MYO15B: variants seen among roughly 807,000 people sequenced by gnomAD.
The protein encoded by MYO15B is myosin XVB pseudogene.
Under a neutral mutation model 119.3 loss-of-function variants are expected in MYO15B, and 207 were observed. That is an observed-to-expected ratio of 1.73 (90% CI 1.55 to 1.95). MYO15B has a LOEUF of 1.95. Among genes scored for constraint, MYO15B ranks in the 30% most tolerant of loss-of-function variants. The pLI, the probability that MYO15B is intolerant of heterozygous loss-of-function variation, is 0.00. For missense variants in MYO15B, 2,264 were observed against 1,203.1 expected (o/e 1.88, Z -13.04); for synonymous variants, 966 against 498.9 (o/e 1.94, Z -12.48).
intron 21 of MYO15B, among the ~76,000 whole-genome samples, chr17:75,608,857 T>A (rs2057820937): frequency 6.6e-6 from 1 of 152,088 alleles, no homozygotes; most frequent in African/African-American, 2.4e-5. Flanking sequence ...CCTCAGCCTA[T>A]GAAGTAGCTG....
chr17:75,613,252 G>A, intron 27 of MYO15B, 41 bp from the exon 28 acceptor site: 2 of 672,708 alleles, frequency 3.0e-6, no homozygotes, highest in Non-Finnish European at 5.5e-6. Flanking sequence ...TGGGGTCGCT[G>A]GATCACCCTG....
exon 36 of MYO15B, chr17:75,615,774 G>A (rs1366803973): frequency 8.5e-6 from 6 of 702,246 alleles, no homozygotes; most frequent in East Asian, 5.4e-5. Context: ...TCGGGCCTCC[G>A]AGGCTGCGTC....
At chr17:75,621,552 G>A in exon 52 of MYO15B, 2 of 701,752 alleles carry the variant, frequency 2.9e-6, no homozygotes, top group Non-Finnish European at 5.2e-6. Context: ...GAGCAAGCTG[G>A]CTGTAGCCAG....
At chr17:75,588,180 C>T in exon 1 of MYO15B, 1 of 398,008 alleles carries the variant, frequency 2.5e-6, no homozygotes, top group African/African-American at 2.1e-5. Context: ...GCCGTTCCGA[C>T]CGCGGGCAGG....
chr17:75,610,335 A>C, intron 22 of MYO15B, 76 bp downstream of exon 22: 2 of 620,334 alleles, frequency 3.2e-6, no homozygotes, highest in Admixed American at 2.6e-5. Context: ...AAATCCCAGC[A>C]GCGTTGACCC....
chr17:75,597,734 G>GA (rs1255724048), intron 14 of MYO15B, among the ~76,000 whole-genome samples: 1 of 152,062 alleles, frequency 6.6e-6, no homozygotes, highest in Non-Finnish European at 1.5e-5. Flanking sequence ...AGACCAACAT[G>GA]AAAAAACCCT....
rs2148058656 is a variant in MYO15B at position 75,617,924 on chromosome 17, TG to T, written c.6927+5del. On this transcript the variant is annotated splice_donor_region_variant and intron_variant, in intron 42 of 63. Coordinates refer to ENST00000645453, the Ensembl canonical transcript of MYO15B. ...TGGAAGTTGTTCCTACGCAAGGAGG[TG>T]GGCATGAGGGTGGGGCCTTGGCCTG... The T allele has an allele frequency of 1.4e-6, 1 of 702,592 alleles. No individual in the cohort carries two copies. Among genetic ancestry groups the T allele is most frequent in the Non-Finnish European group, 2.6e-6 (1 of 384,842 alleles). The allele number at this position is 702,592 out of a possible 1,614,324, so 43.5% of individuals were successfully genotyped here. A position where few individuals can be genotyped will look rare whatever the true frequency, so the allele number is the denominator to read the frequency against.
chr17:75,618,557 G>A (rs566323109), intron 43 of MYO15B, among the ~76,000 whole-genome samples: 36 of 152,346 alleles, frequency 2.4e-4, no homozygotes, highest in African/African-American at 8.4e-4. Flanking sequence ...GCTGAGGCAG[G>A]AGAATTGCTT....
intron 15 of MYO15B, 175 bp from the exon 16 acceptor site, chr17:75,602,342 A>G (rs1670997): frequency 0.025 from 16,795 of 679,774 alleles, 272 homozygotes; most frequent in African/African-American, 0.063. Context: ...ATGGGGTGGA[A>G]TGGAAAGTCC....
intron 15 of MYO15B, 31 bp from the exon 16 acceptor site, chr17:75,602,486 C>T (rs1442501705): frequency 1.4e-6 from 1 of 703,024 alleles, no homozygotes; most frequent in Admixed American, 2.0e-5. Context: ...CCTTTCTCCA[C>T]TTCCCTCCCC....
intron 43 of MYO15B, 53 bp from the exon 44 acceptor site, chr17:75,619,090 G>T (rs958438293): frequency 2.8e-6 from 2 of 702,038 alleles, no homozygotes; most frequent in Non-Finnish European, 5.2e-6. Flanking sequence ...TGGCTGCTCT[G>T]GGGGTGGGCT....
At chr17:75,601,061 G>A (rs1245168824) in intron 14 of MYO15B, among the ~76,000 whole-genome samples, 6 of 150,824 alleles carry the variant, frequency 4.0e-5, no homozygotes, top group South Asian at 2.1e-4. Context: ...CTGCCACCAC[G>A]CCCAGCTAAT....
intron 15 of MYO15B, 104 bp downstream of exon 15, chr17:75,601,667 T>A (rs1410270914): frequency 3.1e-6 from 2 of 643,156 alleles, no homozygotes; most frequent in Non-Finnish European, 5.7e-6. Context: ...GGAGGCCCCT[T>A]GCAAGGCTTG....
At chr17:75,619,739 T>A (rs1366765062) in exon 46 of MYO15B, 1 of 702,844 alleles carries the variant, frequency 1.4e-6, no homozygotes, top group South Asian at 1.5e-5. Flanking sequence ...CTGCGACTGC[T>A]CAAGGTGACC....
At chr17:75,617,430 A>G (rs143330131) in intron 41 of MYO15B, 126 bp downstream of exon 41, 82 of 564,482 alleles carry the variant, frequency 1.5e-4, no homozygotes, top group Non-Finnish European at 2.2e-4. Context: ...GGGCTTCTGG[A>G]CTTTGGAGCC....
intron 53 of MYO15B, among the ~76,000 whole-genome samples, chr17:75,622,759 T>C (rs760226589): frequency 1.3e-5 from 2 of 152,088 alleles, no homozygotes; most frequent in East Asian, 1.9e-4. Flanking sequence ...TGCTGACCAA[T>C]TGCATGTGGG....
intron 14 of MYO15B, among the ~76,000 whole-genome samples, chr17:75,601,050 C>A (rs957980350): frequency 2.0e-5 from 3 of 150,750 alleles, no homozygotes; most frequent in Non-Finnish European, 4.4e-5. Flanking sequence ...ATTACAGGCA[C>A]CTGCCACCAC....
At chr17:75,594,792 G>A (rs550723313) in intron 11 of MYO15B, 33 bp downstream of exon 11, 3 of 702,896 alleles carry the variant, frequency 4.3e-6, no homozygotes, top group Admixed American at 4.0e-5. Context: ...GTCAGAGCAG[G>A]GCCCGAGGCA....
intron 19 of MYO15B, among the ~76,000 whole-genome samples, chr17:75,604,441 T>G (rs1338158318): frequency 6.6e-6 from 1 of 150,716 alleles, no homozygotes; most frequent in African/African-American, 2.4e-5. Context: ...TGAAATGTCC[T>G]TCAACACTCC....
Sources: allele counts gnomAD v4.1 joint callset (sites outside exome capture counted in the v4.1 genomes callset), GRCh38; gene constraint gnomAD v4.1.1; transcripts MANE v1.5; gene names NCBI Gene and HGNC (gene_info 2026-07-23, HGNC 2026-07-21).